FSIP1: variants seen among roughly 807,000 people sequenced by gnomAD.
FSIP1 encodes the protein fibrous sheath interacting protein 1, also known as fibrous sheath-interacting protein 1.
A neutral mutation model predicts 60.9 loss-of-function variants in FSIP1; 65 were observed. The ratio of observed to expected loss-of-function variants is 1.07; its 90% CI spans 0.87 to 1.31. FSIP1 has a LOEUF of 1.31. FSIP1 is among the 40% of genes most tolerant of loss of function. The pLI, the probability that FSIP1 is intolerant of heterozygous loss-of-function variation, is 0.00. For missense variants in FSIP1, 675 were observed against 665.5 expected (o/e 1.01, Z -0.16); for synonymous variants, 209 against 221.2 (o/e 0.94, Z 0.49).
chr15:39,697,388 G>GT (rs1175804502), intron 10 of FSIP1, among the ~76,000 whole-genome samples: 1 of 152,192 alleles, frequency 6.6e-6, no homozygotes, highest in Non-Finnish European at 1.5e-5. Context: ...TTAGATACTG[G>GT]TTGGCCAATA....
intron 6 of FSIP1, 110 bp downstream of exon 6, chr15:39,741,695 C>T: frequency 1.6e-6 from 1 of 613,672 alleles, no homozygotes; most frequent in Non-Finnish European, 2.9e-6. Context: ...CTACTTGCTT[C>T]CACTTACCTT....
At chr15:39,697,732 T>C (rs1034446710) in intron 10 of FSIP1, among the ~76,000 whole-genome samples, 3 of 152,246 alleles carry the variant, frequency 2.0e-5, no homozygotes, top group Non-Finnish European at 2.9e-5. Context: ...CTTCTCAATA[T>C]GTCCAAGATG....
chr15:39,640,584 G>C (rs564312638), intron 10 of FSIP1, among the ~76,000 whole-genome samples: 1 of 152,292 alleles, frequency 6.6e-6, no homozygotes, highest in South Asian at 2.1e-4. Context: ...GAGTTCTGGG[G>C]TACGTGATAA....
chr15:39,667,224 T>C (rs530145685), intron 10 of FSIP1, among the ~76,000 whole-genome samples: 1 of 152,122 alleles, frequency 6.6e-6, no homozygotes, highest in East Asian at 1.9e-4. Flanking sequence ...AAGAAAATAA[T>C]TTTTTTAATA....
chr15:39,766,673 G>T (rs1000749300), intron 3 of FSIP1, among the ~76,000 whole-genome samples: 2 of 152,160 alleles, frequency 1.3e-5, no homozygotes, highest in African/African-American at 4.8e-5. Context: ...TCTGATGAAA[G>T]CTGATAATCC....
At chr15:39,666,200 T>C (rs1053447232) in intron 10 of FSIP1, among the ~76,000 whole-genome samples, 8 of 152,178 alleles carry the variant, frequency 5.3e-5, no homozygotes, top group Non-Finnish European at 1.2e-4. Context: ...GATAAACCTT[T>C]GTGTGTGACT....
chr15:39,776,037 A>T (rs528105474), intron 2 of FSIP1, among the ~76,000 whole-genome samples: 24 of 151,488 alleles, frequency 1.6e-4, no homozygotes, highest in African/African-American at 5.8e-4. Context: ...CTTCCTTATA[A>T]AGAAAAAAAG....
chr15:39,756,766 G>C (rs1424568645), intron 5 of FSIP1, among the ~76,000 whole-genome samples: 1 of 152,112 alleles, frequency 6.6e-6, no homozygotes, highest in African/African-American at 2.4e-5. Context: ...ATATTGATAG[G>C]TATGCTGAAA....
rs543300023 is a variant in FSIP1 at position 39,744,639 on chromosome 15, A to G, written c.560-2739T>C. Among the ~76,000 whole-genome samples, 4 of 152,210 alleles carry G rather than the reference A, an allele frequency of 2.6e-5. No individual in the cohort carries two copies. In the East Asian group the frequency reaches 7.7e-4, roughly 29 times the overall value. On this transcript the variant is annotated intron_variant, in intron 5 of 11. Transcript: ENST00000350221. ...TGGAACTGAGGGGAGACCCCGCACA[A>G]AGGAACATGGTGCTCTCCAACCACC...
chr15:39,668,099 T>C (rs1893568809), intron 10 of FSIP1, among the ~76,000 whole-genome samples: 1 of 151,028 alleles, frequency 6.6e-6, no homozygotes, highest in Non-Finnish European at 1.5e-5. Flanking sequence ...AATGGTAGCC[T>C]AAACCAAGAG....
At chr15:39,695,158 C>A (rs558148471) in intron 10 of FSIP1, among the ~76,000 whole-genome samples, 3 of 152,114 alleles carry the variant, frequency 2.0e-5, no homozygotes, top group African/African-American at 4.8e-5. Context: ...GCCATGCCCA[C>A]CATTTTGAAA....
rs1896960449 is a variant in FSIP1 at position 39,745,410 on chromosome 15, CTTCTAA to C, written c.560-3516_560-3511del. On this transcript the variant is annotated intron_variant, in intron 5 of 11. Transcript: ENST00000350221. ...TTCCGGAAACAAAAACATTATTAAA[CTTCTAA>C]ATAAAGACCAAAACACTTGTAATAT... Among the ~76,000 whole-genome samples the C allele has an allele frequency of 2.0e-5, 3 of 152,246 alleles. No homozygotes were observed. In the South Asian group the frequency reaches 6.2e-4, roughly 32 times the overall value.
intron 10 of FSIP1, among the ~76,000 whole-genome samples, chr15:39,646,308 T>G (rs1457768183): frequency 6.6e-6 from 1 of 151,872 alleles, no homozygotes; most frequent in East Asian, 1.9e-4. Flanking sequence ...CACTTGTCTG[T>G]GTACCTCATT....
intron 10 of FSIP1, among the ~76,000 whole-genome samples, chr15:39,712,181 C>G (rs1203148889): frequency 6.6e-6 from 1 of 150,476 alleles, no homozygotes; most frequent in Non-Finnish European, 1.5e-5. Flanking sequence ...GGCCTGAGCT[C>G]CTGTAGGCTC....
At chr15:39,685,209 A>T (rs1265396491) in intron 10 of FSIP1, among the ~76,000 whole-genome samples, 8 of 152,188 alleles carry the variant, frequency 5.3e-5, no homozygotes. Context: ...AGCCCTCCTG[A>T]ACTTTCTATA....
chr15:39,666,821 T>C (rs1893513031), intron 10 of FSIP1, among the ~76,000 whole-genome samples: 1 of 152,228 alleles, frequency 6.6e-6, no homozygotes, highest in Non-Finnish European at 1.5e-5. Context: ...GATTCCTTTT[T>C]CTAAGCAGAA....
chr15:39,678,712 C>G (rs1362648635), intron 10 of FSIP1, among the ~76,000 whole-genome samples: 1 of 152,130 alleles, frequency 6.6e-6, no homozygotes, highest in African/African-American at 2.4e-5. Context: ...TACGTTATCA[C>G]TCCCTAAAGT....
chr15:39,757,675 A>C (rs2140686419), intron 5 of FSIP1, among the ~76,000 whole-genome samples: 1 of 152,284 alleles, frequency 6.6e-6, no homozygotes, highest in South Asian at 2.1e-4. Context: ...AATTTCATTA[A>C]GGAATTTGGC....
intron 9 of FSIP1, among the ~76,000 whole-genome samples, chr15:39,714,293 G>A (rs1895649604): frequency 1.3e-5 from 2 of 152,028 alleles, no homozygotes; most frequent in Admixed American, 6.6e-5. Flanking sequence ...TTTTCCCAAA[G>A]TTAATGTTAT....
Sources: gnomAD v4.1 joint callset for allele counts (sites outside exome capture counted in the v4.1 genomes callset) on GRCh38, gnomAD v4.1.1 for gene constraint, MANE v1.5 for transcripts, NCBI Gene and HGNC (gene_info 2026-07-23, HGNC 2026-07-21) for gene names.